Variants in NUP107 observed in about 807,000 individuals in gnomAD.
The protein encoded by NUP107 is nuclear pore complex protein Nup107.
In NUP107, 101 loss-of-function variants were observed where a neutral mutation model predicts 141.0. That is an observed-to-expected ratio of 0.72 (90% CI 0.61 to 0.84). The LOEUF (loss-of-function observed/expected upper bound fraction) is 0.84. Among genes scored for constraint, NUP107 ranks in the 40% least tolerant of loss-of-function variants. The pLI is 0.00. For missense variants in NUP107, 941 were observed against 1,102.7 expected, an observed-to-expected ratio of 0.85 and a Z score of 2.08; for synonymous variants, 319 against 363.9, an observed-to-expected ratio of 0.88 and a Z score of 1.41.
At chr12:68,735,986 T>A (rs184611119) in intron 26 of NUP107, among the ~76,000 whole-genome samples, 1 of 152,260 alleles carries the variant, frequency 6.6e-6, no homozygotes, top group East Asian at 1.9e-4. Flanking sequence ...TTTGACTGAA[T>A]CTTGAACATA....
chr12:68,699,428 A>G (rs945102929), intron 6 of NUP107, among the ~76,000 whole-genome samples: 1 of 152,226 alleles, frequency 6.6e-6, no homozygotes, highest in Admixed American at 6.5e-5. Flanking sequence ...AGAAAGAGGA[A>G]AAGACTTCAA....
chr12:68,721,843 G>A lies in NUP107; in HGVS notation c.1314G>A (p.Leu438=). 6.2e-7 allele frequency: 1 copy of A among 1,611,614 alleles called. No homozygotes were observed. The highest frequency in any genetic ancestry group is 8.5e-7 in the Non-Finnish European group (1 of 1,179,396). Residue 438 remains leucine, a splice_region_variant and synonymous_variant, in exon 16 of 28, where the codon CTG becomes CTA. Transcript: ENST00000229179. The stretch of plus-strand genomic sequence containing the variant: ...TCTGTTTTGTAATGGGGAAAAAGCT[G>A]CTTCCTGTCTGTGACACCTGGGAAG... The part of the protein sequence containing the change: ...YAALSGNLKQ[L]LPVCDTWEDT...
chr12:68,695,535 G>C (rs1876009900), intron 5 of NUP107, among the ~76,000 whole-genome samples: 1 of 152,182 alleles, frequency 6.6e-6, no homozygotes, highest in Admixed American at 6.6e-5. Flanking sequence ...AATACTCTAT[G>C]GTTCCACTTA....
At chr12:68,728,421 C>CTTTTTT (rs775566595) in intron 20 of NUP107, among the ~76,000 whole-genome samples, 1 of 112,484 alleles carries the variant, frequency 8.9e-6, no homozygotes, top group Non-Finnish European at 1.7e-5. Flanking sequence ...GAAAACCTGT[C>CTTTTTT]TTTTTTTTTT....
At chr12:68,703,475 A>G (rs1876434160) in intron 8 of NUP107, among the ~76,000 whole-genome samples, 1 of 150,682 alleles carries the variant, frequency 6.6e-6, no homozygotes, top group Non-Finnish European at 1.5e-5. Flanking sequence ...TTTTGAAATG[A>G]AGTTTCACTC....
chr12:68,701,063 G>T (rs1184659077), intron 7 of NUP107, among the ~76,000 whole-genome samples: 1 of 152,160 alleles, frequency 6.6e-6, no homozygotes, highest in Non-Finnish European at 1.5e-5. Flanking sequence ...AATTGGATGT[G>T]TGTAAAGACT....
At chr12:68,705,613 G>GCCTT (rs771774819) in intron 8 of NUP107, 7 of 465,796 alleles carry the variant, frequency 1.5e-5, no homozygotes, top group African/African-American at 5.9e-5. Flanking sequence ...CAGCCTGCCT[G>GCCTT]CCTTCACTCC....
rs774746603 is a variant in NUP107 at position 68,722,089 on chromosome 12, T to C, written c.1458-15T>C. ...TATTATTAACATTATTCTTTTCCCGTTGTTTCTTTTGAAGCTGGACGTTAG... is the reference window on the plus strand; with the variant it reads ...TATTATTAACATTATTCTTTTCCCGCTGTTTCTTTTGAAGCTGGACGTTAG... On this transcript the variant is annotated splice_polypyrimidine_tract_variant and intron_variant, in intron 16 of 27. Coordinates refer to ENST00000229179, the MANE Select transcript of NUP107 (RefSeq NM_020401.4). 1 of 1,612,452 alleles carries C rather than the reference T, an allele frequency of 6.2e-7. No individual in the cohort carries two copies. The highest frequency in any genetic ancestry group is 8.5e-7 in the Non-Finnish European group (1 of 1,179,560).
intron 12 of NUP107, among the ~76,000 whole-genome samples, chr12:68,717,756 C>T (rs1188663691): frequency 3.3e-5 from 5 of 152,192 alleles, no homozygotes; most frequent in Non-Finnish European, 5.9e-5. Context: ...GCTTTTGTGA[C>T]TATCTTATTT....
chr12:68,687,083 G>A lies in NUP107; in HGVS notation c.8+10G>A. ...CTTTAGCCATGGACAGGTCAGTACT[G>A]ATGGTGGCAGCTGAGCCCGAAGTCT... On this transcript the variant is annotated intron_variant, in intron 1 of 27. Transcript: ENST00000229179. 6.2e-7 allele frequency: 1 copy of A among 1,614,034 alleles called. No homozygotes were observed. Among genetic ancestry groups the A allele is most frequent in the Admixed American group, 1.7e-5 (1 of 60,018 alleles).
At chr12:68,691,669 A>G (rs1286029799) in intron 4 of NUP107, among the ~76,000 whole-genome samples, 2 of 152,084 alleles carry the variant, frequency 1.3e-5, no homozygotes, top group African/African-American at 4.8e-5. Flanking sequence ...CCCCATACCT[A>G]CCAAAAATAC....
At chr12:68,697,524 T>C (rs972053845) in intron 6 of NUP107, among the ~76,000 whole-genome samples, 3 of 151,692 alleles carry the variant, frequency 2.0e-5, no homozygotes, top group African/African-American at 7.3e-5. Context: ...GTATGCTGGG[T>C]TTAATACCTA....
Position 68,690,696 on chromosome 12 carries a change from A to T in NUP107, c.253A>T (p.Lys85Ter). Residue 85 changes from lysine to a stop codon, truncating the protein, a stop_gained, in exon 4 of 28, where the codon AAG (lysine) becomes TAG (stop). Transcript: ENST00000229179. LOFTEE classifies it high-confidence loss of function. ...DISCILGTGGKSPRLTQSSGF... is the reference protein window; with the variant it reads ...DISCILGTGG Reference sequence around the variant, plus strand: ...TTCCTGCATTCTTGGAACAGGAGGGAAGTCGCCCCGACTTACGCAGTCTTC... The same window carrying T: ...TTCCTGCATTCTTGGAACAGGAGGGTAGTCGCCCCGACTTACGCAGTCTTC... 6.2e-7 allele frequency: 1 copy of T among 1,614,140 alleles called. No homozygotes were observed. The highest frequency in any genetic ancestry group is 8.5e-7 in the Non-Finnish European group (1 of 1,180,000).
At chr12:68,740,694 T>C (rs537791783) in intron 26 of NUP107, among the ~76,000 whole-genome samples, 12 of 152,204 alleles carry the variant, frequency 7.9e-5, no homozygotes, top group Middle Eastern at 6.8e-3. Context: ...GTTTTTTTTT[T>C]CTACACTATT....
intron 18 of NUP107, among the ~76,000 whole-genome samples, chr12:68,726,170 G>T (rs1877556676): frequency 6.6e-6 from 1 of 152,058 alleles, no homozygotes. Flanking sequence ...TACTCTTTAT[G>T]AGTTCTTCAT....
chr12:68,689,501 A>T, intron 2 of NUP107, 32 bp from the exon 3 acceptor site: 1 of 1,253,250 alleles, frequency 8.0e-7, no homozygotes, highest in Non-Finnish European at 1.1e-6. Context: ...TCTCTTTTCT[A>T]CATGGAAAAC....
chr12:68,729,618 T>C (rs1877727271), intron 20 of NUP107, among the ~76,000 whole-genome samples: 1 of 151,910 alleles, frequency 6.6e-6, no homozygotes, highest in Non-Finnish European at 1.5e-5. Flanking sequence ...TAATTTTGTA[T>C]TTTTAGTAGA....
intron 26 of NUP107, among the ~76,000 whole-genome samples, chr12:68,740,430 A>G (rs762879313): frequency 6.6e-6 from 1 of 152,216 alleles, no homozygotes; most frequent in Non-Finnish European, 1.5e-5. Flanking sequence ...GCTTTTATGT[A>G]TTTATGCTTC....
Position 68,732,643 on chromosome 12 carries a change from C to T in NUP107, c.2005C>T (p.Arg669Cys), listed in dbSNP as rs1389137530. The change falls in exon 23 of 28, where the codon CGT becomes TGT. Residue 669 changes from arginine (R) to cysteine (C), a missense_variant. Coordinates refer to ENST00000229179, the MANE Select transcript of NUP107 (RefSeq NM_020401.4). ...TTTCCCCTTTAATAAATAGGAGGAT[C>T]GTTTAAAAATTGATGTAATTGACTG... is the stretch of plus-strand genomic sequence containing the variant. ...ALDTGTTEED[R>C]LKIDVIDWLV... is the part of the protein sequence containing the mutation. The T allele has an allele frequency of 2.2e-5, 35 of 1,578,762 alleles. No individual in the cohort carries two copies. The highest frequency in any genetic ancestry group is 1.7e-4 in the Middle Eastern group (1 of 5,922).
Sources: gnomAD v4.1 joint callset for allele counts (sites outside exome capture counted in the v4.1 genomes callset) on GRCh38, gnomAD v4.1.1 for gene constraint, MANE v1.5 for transcripts, NCBI Gene and HGNC (gene_info 2026-07-23, HGNC 2026-07-21) for gene names.